CTNND2: variants seen among roughly 807,000 people sequenced by gnomAD.
CTNND2 encodes the protein catenin delta-2.
A neutral mutation model predicts 144.4 loss-of-function variants in CTNND2; 22 were observed. The ratio of observed to expected loss-of-function variants is 0.15; its 90% CI spans 0.11 to 0.22. The LOEUF is 0.22. CTNND2 is among the 10% of genes least tolerant of loss of function. The pLI, the probability that CTNND2 is intolerant of heterozygous loss-of-function variation, is 1.00. For synonymous variants in CTNND2, 751 were observed against 695.6 expected (o/e 1.08, Z -1.25); for missense variants, 1,353 against 1,618.8 (o/e 0.84, Z 2.82).
chr5:11,381,853 G>A (rs1181077998), intron 7 of CTNND2, among the ~76,000 whole-genome samples: 1 of 152,154 alleles, frequency 6.6e-6, no homozygotes, highest in East Asian at 1.9e-4. Flanking sequence ...TGTAGCCCCA[G>A]CTGCTCAGGA....
chr5:11,142,502 C>T (rs903177984), intron 12 of CTNND2, among the ~76,000 whole-genome samples: 5 of 152,084 alleles, frequency 3.3e-5, no homozygotes, highest in African/African-American at 1.2e-4. Flanking sequence ...ATACCCCTAC[C>T]TTGGCAGGTC....
rs548106556 is a variant in CTNND2, at chr5:11,465,972, C to T, written c.288-53903G>A. Reference sequence around the variant, plus strand: ...AACAGACCAGTGGTACAACTAAAAACGAACTTCATGAAATTTTTATTTTCT... The same window carrying T: ...AACAGACCAGTGGTACAACTAAAAATGAACTTCATGAAATTTTTATTTTCT... On this transcript the variant is annotated intron_variant, in intron 3 of 21. Transcript: ENST00000304623. Among the ~76,000 whole-genome samples the T allele has an allele frequency of 4.6e-5, 7 of 152,174 alleles. No homozygotes were observed. In the East Asian group the frequency reaches 9.7e-4, roughly 21 times the overall value.
chr5:11,733,977 A>G (rs1322755036), intron 1 of CTNND2, among the ~76,000 whole-genome samples: 1 of 152,154 alleles, frequency 6.6e-6, no homozygotes, highest in African/African-American at 2.4e-5. Context: ...GATGAAGTCA[A>G]GAGGGTGGAG....
At chr5:11,600,705 C>CCAA (rs1554092489) in intron 2 of CTNND2, among the ~76,000 whole-genome samples, 1 of 80,606 alleles carries the variant, frequency 1.2e-5, no homozygotes, top group African/African-American at 4.9e-5. Flanking sequence ...GATTCTGTCT[C>CCAA]AAAAAAAAAA....
chr5:11,013,995 A>G (rs1741354270), intron 18 of CTNND2, among the ~76,000 whole-genome samples: 1 of 152,228 alleles, frequency 6.6e-6, no homozygotes, highest in South Asian at 2.1e-4. Context: ...AAGGCAGAGC[A>G]ATGTGACAGG....
intron 9 of CTNND2, among the ~76,000 whole-genome samples, chr5:11,318,755 G>C (rs910163597): frequency 6.6e-6 from 1 of 151,928 alleles, no homozygotes; most frequent in East Asian, 1.9e-4. Flanking sequence ...GCCCCACCAA[G>C]TTTTATCCTT....
intron 15 of CTNND2, among the ~76,000 whole-genome samples, chr5:11,086,020 GC>G (rs1750100876): frequency 6.6e-6 from 1 of 152,274 alleles, no homozygotes; most frequent in South Asian, 2.1e-4. Context: ...GATTCGTGTA[GC>G]CCCAGTGTGG....
At chr5:11,665,821 T>C (rs1292687006) in intron 2 of CTNND2, among the ~76,000 whole-genome samples, 1 of 152,154 alleles carries the variant, frequency 6.6e-6, no homozygotes, top group Non-Finnish European at 1.5e-5. Context: ...ATTTGCTTTG[T>C]CCTTCCAAGT....
intron 2 of CTNND2, among the ~76,000 whole-genome samples, chr5:11,594,284 A>G (rs77910572): frequency 0.024 from 3,717 of 152,312 alleles, 86 homozygotes; most frequent in East Asian, 0.11. Flanking sequence ...AGCAAGCTGC[A>G]TTTGCTGGAA....
At position 11,702,557 on chromosome 5, in the gene CTNND2, T is replaced by G. The variant is rs139136221; in HGVS notation, c.174+29579A>C. On this transcript the variant is annotated intron_variant, in intron 2 of 21. Coordinates refer to ENST00000304623, the MANE Select transcript of CTNND2 (RefSeq NM_001332.4). The stretch of plus-strand genomic sequence containing the variant: ...GTGCTTCTATCCAGAATTACTACTG[T>G]CCCTCTTATCTTTCTTCTTCTACCC... 2.9e-3 allele frequency among the ~76,000 whole-genome samples: 437 copies of G among 152,282 alleles called. 2 individuals are homozygous for G. The highest frequency in any genetic ancestry group is 9.5e-3 in the African/African-American group (394 of 41,554).
chr5:11,366,788 CA>C (rs1296021288), intron 7 of CTNND2, among the ~76,000 whole-genome samples: 2 of 152,000 alleles, frequency 1.3e-5, no homozygotes, highest in Non-Finnish European at 2.9e-5. Flanking sequence ...TTCTAAGCCT[CA>C]AAAAAACATC....
intron 9 of CTNND2, among the ~76,000 whole-genome samples, chr5:11,309,780 G>T (rs1056899705): frequency 3.9e-5 from 6 of 152,190 alleles, no homozygotes; most frequent in African/African-American, 1.4e-4. Context: ...GTGTCAAATT[G>T]TAATTCACAG....
chr5:11,665,904 G>C (rs181658346), intron 2 of CTNND2, among the ~76,000 whole-genome samples: 1 of 152,144 alleles, frequency 6.6e-6, no homozygotes, highest in East Asian at 1.9e-4. Context: ...AAATATGTAG[G>C]GGAAAACAAA....
Position 11,816,536 on chromosome 5 carries a change from G to A in CTNND2, c.38-84264C>T, listed in dbSNP as rs117119772. Among the ~76,000 whole-genome samples, 117 of 148,736 alleles carry A rather than the reference G, an allele frequency of 7.9e-4. 2 individuals carry two copies. The East Asian group carries it at 0.019, about 25-fold the overall frequency. ...TGTGGTTGGCTGGTGTTAGCATAACGGTTTTTCCTTAAGGCCCTCTCCCCT... is the reference window on the plus strand; with the variant it reads ...TGTGGTTGGCTGGTGTTAGCATAACAGTTTTTCCTTAAGGCCCTCTCCCCT... On this transcript the variant is annotated intron_variant, in intron 1 of 21. Coordinates refer to ENST00000304623, the MANE Select transcript of CTNND2 (RefSeq NM_001332.4).
chr5:11,343,546 C>T (rs751392403), intron 9 of CTNND2, among the ~76,000 whole-genome samples: 1 of 152,200 alleles, frequency 6.6e-6, no homozygotes, highest in African/African-American at 2.4e-5. Flanking sequence ...TATACTCTTT[C>T]TTTTTCCTTT....
chr5:11,889,082 C>A (rs73052551), intron 1 of CTNND2, among the ~76,000 whole-genome samples: 2 of 152,096 alleles, frequency 1.3e-5, no homozygotes, highest in Non-Finnish European at 2.9e-5. Context: ...AACCTTTTCA[C>A]GGCATGTACC....
chr5:11,763,415 G>C (rs1478644583), intron 1 of CTNND2, among the ~76,000 whole-genome samples: 2 of 152,100 alleles, frequency 1.3e-5, no homozygotes, highest in African/African-American at 2.4e-5. Context: ...TAAGTCAATG[G>C]ACTAAAAACT....
intron 9 of CTNND2, among the ~76,000 whole-genome samples, chr5:11,274,931 AG>A (rs1252664047): frequency 6.6e-6 from 1 of 152,152 alleles, no homozygotes; most frequent in African/African-American, 2.4e-5. Context: ...TTCTGTTGCA[AG>A]AAAAACAGTA....
chr5:11,581,586 C>A (rs531234099), intron 2 of CTNND2, among the ~76,000 whole-genome samples: 2 of 152,206 alleles, frequency 1.3e-5, no homozygotes, highest in African/African-American at 4.8e-5. Context: ...GTGATGTCAA[C>A]GTTATCTTAT....
Sources: gnomAD v4.1 joint callset for allele counts (sites outside exome capture counted in the v4.1 genomes callset) on GRCh38, gnomAD v4.1.1 for gene constraint, MANE v1.5 for transcripts, NCBI Gene and HGNC (gene_info 2026-07-23, HGNC 2026-07-21) for gene names.